Variants in DIP2A observed in about 807,000 individuals in gnomAD.
The protein encoded by DIP2A is DIP2 acetate--CoA ligase A.
Under a neutral mutation model 177.4 loss-of-function variants are expected in DIP2A, and 85 were observed. The observed-to-expected ratio is 0.48, with a 90% CI of 0.40 to 0.57. The LOEUF (loss-of-function observed/expected upper bound fraction) is 0.57. DIP2A is among the 20% of genes least tolerant of loss of function. DIP2A has a pLI of 0.00. For missense variants in DIP2A, 1,791 were observed against 2,100.2 expected, an observed-to-expected ratio of 0.85 and a Z score of 2.88; for synonymous variants, 886 against 881.8, an observed-to-expected ratio of 1.00 and a Z score of -0.08.
At chr21:46,506,808 T>C (rs2058036476) in intron 6 of DIP2A, among the ~76,000 whole-genome samples, 1 of 145,874 alleles carries the variant, frequency 6.9e-6, no homozygotes, top group African/African-American at 2.5e-5. Context: ...TCTTCTCTTT[T>C]TTTTTTTTTT....
Position 46,565,699 on chromosome 21 carries a change from T to A in DIP2A, c.4165-14T>A. ...TTGGTAACACATCACATTCTTGTCC[T>A]CTGGGCCCACCAGATCTGGGTAAGC... is the stretch of plus-strand genomic sequence containing the variant. On this transcript the variant is annotated splice_polypyrimidine_tract_variant and intron_variant, in intron 35 of 37. Transcript: ENST00000417564. 6.2e-7 allele frequency: 1 copy of A among 1,611,036 alleles called. No individual in the cohort carries two copies.
At chr21:46,575,275 T>G in the DIP2A span, among the ~76,000 whole-genome samples, 1 of 152,080 alleles carries the variant, frequency 6.6e-6, no homozygotes, top group African/African-American at 2.4e-5. Context: ...AGGAAACTAC[T>G]TCAACATAAT....
At chr21:46,550,288 C>T (rs1042961114) in intron 22 of DIP2A, among the ~76,000 whole-genome samples, 1 of 152,218 alleles carries the variant, frequency 6.6e-6, no homozygotes, top group Non-Finnish European at 1.5e-5. Flanking sequence ...ATTGCCCCAT[C>T]CCTCAGCCTC....
At chr21:46,546,137 C>G (rs1476638460) in intron 20 of DIP2A, 176 bp downstream of exon 20, 1 of 1,455,130 alleles carries the variant, frequency 6.9e-7, no homozygotes, top group Non-Finnish European at 9.1e-7. Flanking sequence ...GCCATCCACA[C>G]CTCCGAGACT....
At chr21:46,503,042 G>A (rs904451812) in intron 5 of DIP2A, among the ~76,000 whole-genome samples, 15 of 152,152 alleles carry the variant, frequency 9.9e-5, no homozygotes, top group African/African-American at 3.4e-4. Flanking sequence ...CTTGATTGTG[G>A]CCAGGCGCGG....
intron 5 of DIP2A, among the ~76,000 whole-genome samples, chr21:46,500,472 A>T (rs1250337226): frequency 6.6e-6 from 1 of 152,168 alleles, no homozygotes; most frequent in African/African-American, 2.4e-5. Context: ...TGGTGATTTA[A>T]CTTTGTAGAA....
chr21:46,501,610 T>A (rs751470283), intron 5 of DIP2A, among the ~76,000 whole-genome samples: 50 of 152,128 alleles, frequency 3.3e-4, no homozygotes, highest in Admixed American at 9.2e-4. Flanking sequence ...TTTGGAAAGA[T>A]GGAGTTTTTA....
At chr21:46,494,722 T>C (rs556888545) in intron 3 of DIP2A, among the ~76,000 whole-genome samples, 2 of 152,368 alleles carry the variant, frequency 1.3e-5, no homozygotes, top group South Asian at 4.1e-4. Context: ...TTCCTTTTTC[T>C]TCTTTTCTTC....
chr21:46,556,781 A>G lies in DIP2A; in HGVS notation c.3499-158A>G, dbSNP rs1031571037. 2 of 620,146 alleles carry G rather than the reference A, an allele frequency of 3.2e-6. No homozygotes were observed. The highest frequency in any genetic ancestry group is 5.4e-6 in the Non-Finnish European group (2 of 372,946). 38.4% of individuals were successfully genotyped at this position (620,146 alleles called of 1,614,324 possible). On this transcript the variant is annotated intron_variant, in intron 29 of 37. Transcript: ENST00000417564. The surrounding 1 kb of genome is among the most constrained non-coding windows in gnomAD (Gnocchi z 4.5). ...ATTTCTTGGGTATTATTTAGGTTAT[A>G]TGGGGATTTGAGCCAACCGTCTTTT...
chr21:46,542,146 T>G (rs2059845742), intron 18 of DIP2A, among the ~76,000 whole-genome samples: 1 of 152,216 alleles, frequency 6.6e-6, no homozygotes, highest in African/African-American at 2.4e-5. Flanking sequence ...AGAATGTTTT[T>G]CAGTGTAAAT....
rs777561357 is a variant in DIP2A, at chr21:46,563,919, C to T, written c.4151C>T (p.Ser1384Leu). The change falls in exon 35 of 38, where the codon TCA becomes TTA. Residue 1384 changes from serine (S) to leucine (L), a missense_variant. Physicochemically the swap from Ser to Leu is moderately radical, Grantham distance 145 (BLOSUM62 -2). Coordinates refer to ENST00000417564, the MANE Select transcript of DIP2A (RefSeq NM_015151.4). This position sits in a 1 kb window ranked among gnomAD's most constrained non-coding sequence, Gnocchi z 4.3. ...GAGACCAAAGGACCCTTGGGAGACTCACACCTGGGAGAGGTGAGCAGGGGC... is the reference window on the plus strand; with the variant it reads ...GAGACCAAAGGACCCTTGGGAGACTTACACCTGGGAGAGGTGAGCAGGGGC... The part of the protein sequence containing the change: ...HTETKGPLGD[S>L]HLGEIWVSSP... 6.2e-7 allele frequency: 1 copy of T among 1,613,188 alleles called. No homozygotes were observed. The highest frequency in any genetic ancestry group is 8.5e-7 in the Non-Finnish European group (1 of 1,179,738).
At chr21:46,476,684 C>T (rs2055878469) in intron 1 of DIP2A, among the ~76,000 whole-genome samples, 2 of 146,562 alleles carry the variant, frequency 1.4e-5, no homozygotes, top group South Asian at 2.2e-4. Context: ...GACAGAGTCT[C>T]ACTCTATTGC....
At position 46,556,720 on chromosome 21, in the gene DIP2A, A is replaced by T; in HGVS notation, c.3499-219A>T. The T allele has an allele frequency of 1.9e-6, 1 of 529,904 alleles. No individual in the cohort carries two copies. The highest frequency in any genetic ancestry group is 3.3e-6 in the Non-Finnish European group (1 of 307,380). 32.8% of individuals were successfully genotyped at this position (529,904 alleles called of 1,614,324 possible). A position where few individuals can be genotyped will look rare whatever the true frequency, so the allele number is the denominator to read the frequency against. On this transcript the variant is annotated intron_variant, in intron 29 of 37. Coordinates refer to ENST00000417564, the MANE Select transcript of DIP2A (RefSeq NM_015151.4). The surrounding 1 kb of genome is among the most constrained non-coding windows in gnomAD (Gnocchi z 4.5). ...AAGAAAAAAATTTTAAAAATTCATTACCCTGAAATTTTGTTTCAAAGATTT... is the reference window on the plus strand; with the variant it reads ...AAGAAAAAAATTTTAAAAATTCATTTCCCTGAAATTTTGTTTCAAAGATTT...
In DIP2A at chr21:46,537,739, G is replaced by C. The variant is rs187984163; in HGVS notation, c.1801+200G>C. The stretch of plus-strand genomic sequence containing the variant: ...CCTCTGGCATGGCCCTCAGGGTTTC[G>C]TGGGTGATGTGGTAAGTAGGGCCAC... On this transcript the variant is annotated intron_variant, in intron 15 of 37. Coordinates refer to ENST00000417564, the MANE Select transcript of DIP2A (RefSeq NM_015151.4). This position sits in a 1 kb window ranked among gnomAD's most constrained non-coding sequence, Gnocchi z 4.1. Among the ~76,000 whole-genome samples the C allele has an allele frequency of 6.6e-6, 1 of 152,198 alleles. No homozygotes were observed. Among genetic ancestry groups the C allele is most frequent in the Non-Finnish European group, 1.5e-5 (1 of 68,040 alleles).
chr21:46,492,942 GGAAGA>G (rs2057103535), intron 3 of DIP2A, among the ~76,000 whole-genome samples: 1 of 125,602 alleles, frequency 8.0e-6, no homozygotes, highest in African/African-American at 2.7e-5. Flanking sequence ...AAAAAAAAAA[GGAAGA>G]AAAAAAAAAG....
chr21:46,581,754 C>T, the DIP2A span, among the ~76,000 whole-genome samples: 3 of 152,280 alleles, frequency 2.0e-5, no homozygotes, highest in East Asian at 1.9e-4. Context: ...TGGATCCCTC[C>T]TGCACCTGGA....
intron 1 of DIP2A, among the ~76,000 whole-genome samples, chr21:46,479,539 A>T (rs952452280): frequency 7.3e-5 from 11 of 151,256 alleles, no homozygotes; most frequent in African/African-American, 2.7e-4. Context: ...TAATTTGCTT[A>T]TTTTTTTTTA....
chr21:46,554,776 A>G (rs2057779407), intron 27 of DIP2A, 46 bp from the exon 28 acceptor site: 1 of 1,543,346 alleles, frequency 6.5e-7, no homozygotes, highest in Non-Finnish European at 8.7e-7. Context: ...TTTTCTGGGC[A>G]GCTTGAGAGG....
chr21:46,546,151 GCACAGTCCTGCA>G, intron 20 of DIP2A, 190 bp downstream of exon 20: 1 of 1,396,194 alleles, frequency 7.2e-7, no homozygotes, highest in African/African-American at 1.4e-5. Flanking sequence ...CGAGACTGGT[GCACAGTCCTGCA>G]CACAGGCCTG....
Sources: gnomAD v4.1 joint callset for allele counts (sites outside exome capture counted in the v4.1 genomes callset) on GRCh38, gnomAD v4.1.1 for gene constraint, Gnocchi (gnomAD v3.1) non-coding constraint, MANE v1.5 for transcripts, NCBI Gene and HGNC (gene_info 2026-07-23, HGNC 2026-07-21) for gene names.